Variants in GAD2 observed in about 807,000 individuals in gnomAD.
GAD2 encodes glutamate decarboxylase 2.
A neutral mutation model predicts 80.1 loss-of-function variants in GAD2; 22 were observed. That is an observed-to-expected ratio of 0.27 (90% CI 0.20 to 0.39). GAD2 has a LOEUF of 0.39. GAD2 is among the 10% of genes least tolerant of loss of function. The pLI is 1.00. For synonymous variants in GAD2, 274 were observed against 256.9 expected (o/e 1.07, Z -0.64); for missense variants, 624 against 738.4 (o/e 0.85, Z 1.80).
chr10:26,245,978 A>G lies in GAD2; in HGVS notation c.898A>G (p.Ile300Val), dbSNP rs1844804625. The change falls in exon 8 of 16, where the codon ATT becomes GTT. Residue 300 changes from isoleucine to valine, a missense_variant. Physicochemically the swap from Ile to Val is conservative, Grantham distance 29 (BLOSUM62 3). Coordinates refer to ENST00000376261, the MANE Select transcript of GAD2 (RefSeq NM_001134366.2). ...CTTAGGGATTGGAACAGACAGCGTG[A>G]TTCTGATTAAATGTGATGAGAGGTG... Reference protein sequence around the residue: ...AALGIGTDSVILIKCDERGKM... With the variant: ...AALGIGTDSVVLIKCDERGKM... 1 of 1,614,098 alleles carries G rather than the reference A, an allele frequency of 6.2e-7. No homozygotes were observed. Among genetic ancestry groups the G allele is most frequent in the East Asian group, 2.2e-5 (1 of 44,880 alleles).
rs748084780 is a variant in GAD2 at position 26,273,662 on chromosome 10, G to A, written c.1119G>A (p.Met373Ile). The A allele has an allele frequency of 9.3e-6, 15 of 1,613,560 alleles. No individual in the cohort carries two copies. The East Asian group carries it at 3.3e-4, about 36-fold the overall frequency. The change falls in exon 11 of 16, where the codon ATG becomes ATA. Residue 373 changes from methionine (M) to isoleucine (I), a missense_variant. Coordinates refer to ENST00000376261, the MANE Select transcript of GAD2 (RefSeq NM_001134366.2). ...CAGCTTGGGGTGGGGGATTACTGAT[G>A]TCCCGAAAACACAAGTGGAAACTGA... ...VDAAWGGGLL[M>I]SRKHKWKLSG... is the part of the protein sequence containing the mutation.
At chr10:26,260,564 G>T (rs1006779971) in intron 8 of GAD2, among the ~76,000 whole-genome samples, 4 of 152,262 alleles carry the variant, frequency 2.6e-5, no homozygotes, top group South Asian at 2.1e-4. Flanking sequence ...GGAGGCGAAG[G>T]TTGCAGTGAG....
chr10:26,296,511 G>C (rs1834274800), intron 15 of GAD2, among the ~76,000 whole-genome samples: 1 of 152,132 alleles, frequency 6.6e-6, no homozygotes, highest in South Asian at 2.1e-4. Flanking sequence ...GCTCTGTCAG[G>C]ACTATGATCT....
chr10:26,247,919 GA>G (rs57365924), intron 8 of GAD2, among the ~76,000 whole-genome samples: 3,425 of 130,938 alleles, frequency 0.026, 140 homozygotes, highest in African/African-American at 0.09. Flanking sequence ...AAAAGGAAAA[GA>G]AAAAAAAAAA....
intron 7 of GAD2, among the ~76,000 whole-genome samples, chr10:26,241,301 T>C (rs962481822): frequency 1.3e-5 from 2 of 151,970 alleles, no homozygotes; most frequent in Non-Finnish European, 1.5e-5. Context: ...ATTACAAGAG[T>C]CTTGATTATT....
intron 7 of GAD2, among the ~76,000 whole-genome samples, chr10:26,237,224 C>G (rs938570337): frequency 1.2e-4 from 18 of 152,178 alleles, no homozygotes; most frequent in African/African-American, 4.1e-4. Flanking sequence ...CGCCAGGTGA[C>G]GGATGCTCCC....
rs143404515 is a variant in GAD2 at position 26,253,343 on chromosome 10, T to C, written c.920+7343T>C. 6.6e-4 allele frequency among the ~76,000 whole-genome samples: 100 copies of C among 152,342 alleles called. No individual in the cohort carries two copies. In the Middle Eastern group the frequency reaches 0.014, roughly 21 times the overall value. On this transcript the variant is annotated intron_variant, in intron 8 of 15. Transcript: ENST00000376261. ...AAAAGTTGAATATTCAGTGATGAGG[T>C]TGATGAATTTTTATTCATGTCATTC...
At chr10:26,233,794 C>T (rs1844635007) in intron 7 of GAD2, among the ~76,000 whole-genome samples, 2 of 152,178 alleles carry the variant, frequency 1.3e-5, no homozygotes, top group African/African-American at 4.8e-5. Flanking sequence ...AGGCTTCTTT[C>T]CTCAATTGCT....
chr10:26,236,231 G>A (rs757656948), intron 7 of GAD2, among the ~76,000 whole-genome samples: 11 of 151,804 alleles, frequency 7.2e-5, no homozygotes, highest in African/African-American at 1.7e-4. Context: ...CTCCTGCCTC[G>A]CCTCCTAAGT....
At chr10:26,225,686 G>A (rs1447519935) in intron 6 of GAD2, among the ~76,000 whole-genome samples, 7 of 152,142 alleles carry the variant, frequency 4.6e-5, no homozygotes, top group Non-Finnish European at 1.0e-4. Flanking sequence ...TGACCCCAAG[G>A]CCAGGGCTTA....
intron 8 of GAD2, among the ~76,000 whole-genome samples, chr10:26,249,164 G>A (rs1844847244): frequency 6.6e-6 from 1 of 152,180 alleles, no homozygotes; most frequent in African/African-American, 2.4e-5. Context: ...CCGGGTTCAA[G>A]CGATTCTTGC....
intron 7 of GAD2, among the ~76,000 whole-genome samples, chr10:26,230,983 A>T (rs182747014): frequency 4.3e-4 from 65 of 152,162 alleles, no homozygotes; most frequent in Non-Finnish European, 7.1e-4. Flanking sequence ...CCAGCTACTC[A>T]GGAGGCTGAG....
intron 15 of GAD2, among the ~76,000 whole-genome samples, chr10:26,295,508 GCACACACACACACACACACACACA>G (rs61216190): frequency 7.5e-6 from 1 of 133,822 alleles, no homozygotes; most frequent in African/African-American, 3.0e-5. Flanking sequence ...TCATACGCAT[GCACACACACACACACACACACACA>G]CACACACACA....
rs114894324 is a variant in GAD2, at chr10:26,264,786, A to G, written c.921-4333A>G. Among the ~76,000 whole-genome samples the G allele has an allele frequency of 3.9e-3, 599 of 152,248 alleles. 5 individuals are homozygous for G. The highest frequency in any genetic ancestry group is 0.014 in the African/African-American group (566 of 41,542). On this transcript the variant is annotated intron_variant, in intron 8 of 15. Transcript: ENST00000376261. ...CTGCTGATAGTGCTGCTATTATGTA[A>G]ACTTAGTCAATTTCTAGCAGGAAGG...
At chr10:26,284,321 T>G (rs1352634830) in intron 12 of GAD2, among the ~76,000 whole-genome samples, 1 of 152,188 alleles carries the variant, frequency 6.6e-6, no homozygotes, top group Non-Finnish European at 1.5e-5. Flanking sequence ...TGATAATTAT[T>G]GCAGTATCTA....
chr10:26,241,572 A>G (rs919571216), intron 7 of GAD2, among the ~76,000 whole-genome samples: 1 of 146,472 alleles, frequency 6.8e-6, no homozygotes, highest in Non-Finnish European at 1.5e-5. Context: ...TTTAGAACTG[A>G]GGTGTCTTTT....
rs748959145 is a variant in GAD2, at chr10:26,219,150, G to A, written c.394G>A (p.Val132Met). Residue 132 changes from valine to methionine, a missense_variant, in exon 4 of 16, where the codon GTG becomes ATG. Val to Met is a conservative substitution (Grantham distance 21). Coordinates refer to ENST00000376261, the MANE Select transcript of GAD2 (RefSeq NM_001134366.2). ...VVKSFDRSTK[V>M]IDFHYPNELL... Reference sequence around the variant, plus strand: ...GAAAAGTTTCGATAGATCAACCAAAGTGATTGATTTCCATTATCCTAATGA... The same window carrying A: ...GAAAAGTTTCGATAGATCAACCAAAATGATTGATTTCCATTATCCTAATGA... The A allele has an allele frequency of 1.2e-6, 2 of 1,613,584 alleles. No individual in the cohort carries two copies. The highest frequency in any genetic ancestry group is 1.7e-6 in the Non-Finnish European group (2 of 1,179,684).
intron 13 of GAD2, among the ~76,000 whole-genome samples, chr10:26,289,734 T>C (rs1361484859): frequency 1.3e-5 from 2 of 151,818 alleles, no homozygotes; most frequent in African/African-American, 4.8e-5. Flanking sequence ...CTACGGTGGC[T>C]AAAACTCAGT....
intron 7 of GAD2, among the ~76,000 whole-genome samples, chr10:26,238,990 G>A (rs1178031967): frequency 6.6e-6 from 1 of 152,024 alleles, no homozygotes. Flanking sequence ...GGTGGGGTGG[G>A]GGGTGGTCAG....
Sources: allele counts gnomAD v4.1 joint callset (sites outside exome capture counted in the v4.1 genomes callset), GRCh38; gene constraint gnomAD v4.1.1; transcripts MANE v1.5; gene names NCBI Gene and HGNC (gene_info 2026-07-23, HGNC 2026-07-21).